PWWP2B: variants seen among roughly 807,000 people sequenced by gnomAD.
PWWP2B encodes the protein PWWP domain containing 2B.
PWWP2B carries 9 observed loss-of-function variants against 15.5 expected under a neutral mutation model. The observed-to-expected ratio is 0.58, with a 90% CI of 0.35 to 1.02. The LOEUF (loss-of-function observed/expected upper bound fraction) is 1.02. PWWP2B is among the 50% of genes least tolerant of loss of function. The pLI is 0.02. For missense variants in PWWP2B, 864 were observed against 865.3 expected, an observed-to-expected ratio of 1.00 and a Z score of 0.02; for synonymous variants, 474 against 403.6, an observed-to-expected ratio of 1.17 and a Z score of -2.09.
rs1190866368 is a variant in PWWP2B at position 132,405,315 on chromosome 10, G to A, written c.815G>A (p.Arg272His). The A allele has an allele frequency of 1.2e-6, 2 of 1,612,192 alleles. No homozygotes were observed. Among genetic ancestry groups the A allele is most frequent in the Non-Finnish European group, 1.7e-6 (2 of 1,179,712 alleles). ...GGAGAGGTGGTCAAGATCCCCTCCC[G>A]CGTGCACGGCTCTCTGGAGCCCTTC... Reference protein sequence around the residue: ...GKGEVVKIPSRVHGSLEPFRP... With the variant: ...GKGEVVKIPSHVHGSLEPFRP... Residue 272 changes from arginine (R) to histidine (H), a missense_variant, in exon 2 of 3, where the codon CGC (arginine) becomes CAC (histidine). Physicochemically the swap from Arg to His is conservative, Grantham distance 29. This residue lies in a region of PWWP2B where 736 missense variants were observed against 687.7 expected (regional missense o/e 1.07). Transcript: ENST00000305233.
Position 132,405,684 on chromosome 10 carries a change from C to A in PWWP2B, c.1184C>A (p.Pro395His). The change falls in exon 2 of 3, where the codon CCC becomes CAC. Residue 395 changes from proline to histidine, a missense_variant. Around this residue, in one of 2 missense-constraint regions of PWWP2B, gnomAD observed 736 missense variants for 687.7 expected, o/e 1.07. Coordinates refer to ENST00000305233, the MANE Select transcript of PWWP2B (RefSeq NM_138499.4). ...GAGGACGATGACTTCAAGAGCTGTC[C>A]CCAGGGTCCACAGGGACGCGAGGGC... ...SGEDDDFKSC[P>H]QGPQGREGLA... 1 of 1,612,354 alleles carries A rather than the reference C, an allele frequency of 6.2e-7. No homozygotes were observed. Among genetic ancestry groups the A allele is most frequent in the Non-Finnish European group, 8.5e-7 (1 of 1,179,900 alleles).
rs2069635844 is a variant in PWWP2B, at chr10:132,403,234, CG to C, written c.126-1391del. 3.9e-5 allele frequency among the ~76,000 whole-genome samples: 6 copies of C among 152,330 alleles called. No homozygotes were observed. The South Asian group carries it at 1.2e-3, about 32-fold the overall frequency. On this transcript the variant is annotated intron_variant, in intron 1 of 2. Coordinates refer to ENST00000305233, the MANE Select transcript of PWWP2B (RefSeq NM_138499.4). ...CCACCCACCACAGAGCAGAACCCCCCGCCCCGTGTTCATCCCCTCACAGGCC... is the reference window on the plus strand; with the variant it reads ...CCACCCACCACAGAGCAGAACCCCCCCCCCGTGTTCATCCCCTCACAGGCC...
intron 2 of PWWP2B, among the ~76,000 whole-genome samples, chr10:132,411,655 G>A (rs2069782583): frequency 6.6e-6 from 1 of 152,240 alleles, no homozygotes; most frequent in South Asian, 2.1e-4. Context: ...ATTTCTCCTG[G>A]GAAATAAAGA....
At chr10:132,407,584 C>T (rs1396497921) in intron 2 of PWWP2B, among the ~76,000 whole-genome samples, 1 of 152,182 alleles carries the variant, frequency 6.6e-6, no homozygotes, top group Non-Finnish European at 1.5e-5. Context: ...GAGCCAGGGT[C>T]CCCAGGGTCC....
rs576168836 is a variant in PWWP2B, at chr10:132,405,108, G to A, written c.608G>A (p.Arg203Lys). The A allele has an allele frequency of 6.5e-7, 1 of 1,540,092 alleles. No individual in the cohort carries two copies. Among genetic ancestry groups the A allele is most frequent in the South Asian group, 1.2e-5 (1 of 83,762 alleles). Residue 203 changes from arginine (R) to lysine (K), a missense_variant, in exon 2 of 3, where the codon AGG (arginine) becomes AAG (lysine). Coordinates refer to ENST00000305233, the MANE Select transcript of PWWP2B (RefSeq NM_138499.4). ...CCAGCCGCGCCCAGGGCCCGCAGGA[G>A]GCTGGGCAGCGGCCCGGACAGGGAG... Reference protein sequence around the residue: ...GPPAAPRARRRLGSGPDRELR... With the variant: ...GPPAAPRARRKLGSGPDRELR...
intron 2 of PWWP2B, among the ~76,000 whole-genome samples, chr10:132,416,446 C>A (rs530744300): frequency 1.3e-5 from 2 of 152,216 alleles, no homozygotes. Context: ...GATCGTCTGT[C>A]CCCGCCAGGT....
chr10:132,404,060 A>T (rs375018447), intron 1 of PWWP2B, among the ~76,000 whole-genome samples: 43 of 35,810 alleles, frequency 1.2e-3, no homozygotes, highest in Middle Eastern at 0.016. Flanking sequence ...GGCATTCTCC[A>T]GGGCTCCTGC....
chr10:132,415,790 T>A (rs2069845627), intron 2 of PWWP2B, among the ~76,000 whole-genome samples: 1 of 152,204 alleles, frequency 6.6e-6, no homozygotes, highest in Non-Finnish European at 1.5e-5. Flanking sequence ...TTTATGTTAA[T>A]GATTTTAGCC....
At chr10:132,401,525 A>C (rs1272151294) in intron 1 of PWWP2B, among the ~76,000 whole-genome samples, 1 of 152,150 alleles carries the variant, frequency 6.6e-6, no homozygotes, top group Non-Finnish European at 1.5e-5. Context: ...CCCACCTGCC[A>C]AGGCTCGGTG....
intron 1 of PWWP2B, among the ~76,000 whole-genome samples, chr10:132,399,193 C>T (rs769101364): frequency 6.6e-6 from 1 of 152,234 alleles, no homozygotes; most frequent in Non-Finnish European, 1.5e-5. Context: ...CTCATCAGGG[C>T]GTGGTGCCCG....
intron 2 of PWWP2B, among the ~76,000 whole-genome samples, chr10:132,415,640 C>T (rs1231336436): frequency 1.6e-5 from 2 of 123,886 alleles, no homozygotes; most frequent in Non-Finnish European, 3.4e-5. Flanking sequence ...CACTCACACA[C>T]CCACTCACAC....
chr10:132,398,148 T>G (rs2069563151), intron 1 of PWWP2B, among the ~76,000 whole-genome samples: 1 of 152,238 alleles, frequency 6.6e-6, no homozygotes, highest in South Asian at 2.1e-4. Context: ...CTTTTGAAAC[T>G]GGGAGCAGGG....
At chr10:132,407,312 C>T (rs1356626030) in intron 2 of PWWP2B, among the ~76,000 whole-genome samples, 1 of 152,186 alleles carries the variant, frequency 6.6e-6, no homozygotes, top group East Asian at 1.9e-4. Context: ...TTCCTGGCTC[C>T]ATGGCCTAAC....
chr10:132,397,233 C>T lies in PWWP2B; in HGVS notation c.7C>T (p.Pro3Ser). The T allele has an allele frequency of 8.3e-7, 1 of 1,201,474 alleles. No individual in the cohort carries two copies. Among genetic ancestry groups the T allele is most frequent in the Non-Finnish European group, 1.0e-6 (1 of 961,214 alleles). 74.4% of individuals were successfully genotyped at this position (1,201,474 alleles called of 1,614,324 possible). A position where few individuals can be genotyped will look rare whatever the true frequency, so the allele number is the denominator to read the frequency against. The change falls in exon 1 of 3, where the codon CCG becomes TCG. Residue 3 changes from proline to serine, a missense_variant. Pro to Ser is a moderately conservative substitution (Grantham distance 74). This residue lies in a region of PWWP2B where 736 missense variants were observed against 687.7 expected (regional missense o/e 1.07). Transcript: ENST00000305233. ...CCTGGGACGCGGCGGGAGCATGGAG[C>T]CGCGCGCCGGCTGCCGGCTGCCGGT... MEPRAGCRLPVRV... is the reference protein window; with the variant it reads MESRAGCRLPVRV...
At chr10:132,409,639 A>ACCCC (rs2069751531) in intron 2 of PWWP2B, among the ~76,000 whole-genome samples, 1 of 32,642 alleles carries the variant, frequency 3.1e-5, no homozygotes, top group African/African-American at 1.0e-4. Context: ...CCACCCACCC[A>ACCCC]CCCACCCACC....
Position 132,415,425 on chromosome 10 carries a change from G to A in PWWP2B, c.*17-1636G>A, listed in dbSNP as rs1038934509. On this transcript the variant is annotated intron_variant, in intron 2 of 2. Transcript: ENST00000305233. ...CATCCACTCACACTCATTTACACAC[G>A]CACACATGCACTCTCACACTCACAT... Among the ~76,000 whole-genome samples, 15 of 131,828 alleles carry A rather than the reference G, an allele frequency of 1.1e-4. 1 individual carries two copies. The highest frequency in any genetic ancestry group is 1.5e-4 in the African/African-American group (5 of 33,554). The allele number at this position is 131,828 out of a possible 152,430, so 86.5% of individuals were successfully genotyped here.
intron 1 of PWWP2B, among the ~76,000 whole-genome samples, chr10:132,399,509 G>A (rs1398889730): frequency 1.3e-5 from 2 of 152,288 alleles, no homozygotes; most frequent in African/African-American, 2.4e-5. Context: ...GCAAAGCAGA[G>A]GGGAGAGGGG....
At chr10:132,400,408 T>C (rs1401366835) in intron 1 of PWWP2B, among the ~76,000 whole-genome samples, 1 of 152,052 alleles carries the variant, frequency 6.6e-6, no homozygotes, top group Non-Finnish European at 1.5e-5. Context: ...CATAAACCCT[T>C]GAGTCCAGGA....
At chr10:132,403,618 C>T (rs1267501932) in intron 1 of PWWP2B, among the ~76,000 whole-genome samples, 5 of 152,238 alleles carry the variant, frequency 3.3e-5, no homozygotes, top group Non-Finnish European at 7.3e-5. Flanking sequence ...CACTCTAGGA[C>T]GTGAGCTGCT....
Sources: gnomAD v4.1 joint callset for allele counts (sites outside exome capture counted in the v4.1 genomes callset) on GRCh38, gnomAD v4.1.1 for gene constraint, gnomAD v4.1.1 regional missense constraint, MANE v1.5 for transcripts, NCBI Gene and HGNC (gene_info 2026-07-23, HGNC 2026-07-21) for gene names.